SORCS2: variants seen among roughly 807,000 people sequenced by gnomAD.
The protein encoded by SORCS2 is sortilin related VPS10 domain containing receptor 2, also known as VPS10 domain-containing receptor SorCS2.
In SORCS2, 100 loss-of-function variants were observed where a neutral mutation model predicts 141.6. The observed-to-expected ratio is 0.71, with a 90% CI of 0.60 to 0.83. The LOEUF is 0.83. Among genes scored for constraint, SORCS2 ranks in the 40% least tolerant of loss-of-function variants. The probability of loss-of-function intolerance (pLI) is 0.00; values close to 1 mark genes in which losing one functional copy is unlikely to be tolerated. For missense variants in SORCS2, 1,646 were observed against 1,560.2 expected, an observed-to-expected ratio of 1.05 and a Z score of -0.93; for synonymous variants, 789 against 676.9, an observed-to-expected ratio of 1.17 and a Z score of -2.57.
At chr4:7,668,611 C>G (rs916218632) in intron 8 of SORCS2, among the ~76,000 whole-genome samples, 2 of 152,072 alleles carry the variant, frequency 1.3e-5, no homozygotes, top group Admixed American at 1.3e-4. Flanking sequence ...GTCTAGGAGG[C>G]CTTTTAAAAC....
At chr4:7,601,353 A>G (rs1717652654) in intron 3 of SORCS2, among the ~76,000 whole-genome samples, 1 of 151,704 alleles carries the variant, frequency 6.6e-6, no homozygotes, top group Non-Finnish European at 1.5e-5. Flanking sequence ...TTATTCAAAC[A>G]GTAGTAGTGC....
intron 1 of SORCS2, among the ~76,000 whole-genome samples, chr4:7,266,956 C>T (rs1714776436): frequency 6.6e-6 from 1 of 150,808 alleles, no homozygotes; most frequent in Non-Finnish European, 1.5e-5. Context: ...TTTGGGCAGT[C>T]TGGAAGAATC....
chr4:7,301,927 C>G (rs1358217002), intron 1 of SORCS2, among the ~76,000 whole-genome samples: 1 of 152,216 alleles, frequency 6.6e-6, no homozygotes, highest in Non-Finnish European at 1.5e-5. Flanking sequence ...GCCTCTCCTT[C>G]CCTTCCAGCT....
At chr4:7,531,236 G>C (rs186822277) in intron 2 of SORCS2, among the ~76,000 whole-genome samples, 1 of 152,216 alleles carries the variant, frequency 6.6e-6, no homozygotes, top group Non-Finnish European at 1.5e-5. Flanking sequence ...CTCATAGGAG[G>C]CATGGGGGAG....
chr4:7,535,537 A>C (rs1484678244), intron 3 of SORCS2, among the ~76,000 whole-genome samples: 1 of 152,214 alleles, frequency 6.6e-6, no homozygotes, highest in Non-Finnish European at 1.5e-5. Flanking sequence ...TAGTAGCAGC[A>C]TCTATACTGT....
At chr4:7,595,962 T>G (rs1234254480) in intron 3 of SORCS2, among the ~76,000 whole-genome samples, 1 of 152,142 alleles carries the variant, frequency 6.6e-6, no homozygotes, top group African/African-American at 2.4e-5. Flanking sequence ...GCCTGACAGC[T>G]GCTCTTTCCC....
chr4:7,650,923 C>T (rs1721405978), intron 4 of SORCS2, among the ~76,000 whole-genome samples: 2 of 152,098 alleles, frequency 1.3e-5, no homozygotes, highest in Admixed American at 1.3e-4. Context: ...TGCAAAGGAT[C>T]CCCTAAACAC....
intron 3 of SORCS2, among the ~76,000 whole-genome samples, chr4:7,578,141 A>G (rs4365724): frequency 0.96 from 146,835 of 152,270 alleles, 70,961 homozygotes; most frequent in Non-Finnish European, 1. Context: ...TCTCAGAACC[A>G]GATTGGTTAC....
rs745306271 is a variant in SORCS2, at chr4:7,728,476, G to C, written c.2982+14G>C. ...CTGCTCTCCAAGGTGTCCACCCAGA[G>C]CCTAGAGCCTCCCCAGCCCCACGGT... On this transcript the variant is annotated intron_variant, in intron 22 of 26. Coordinates refer to ENST00000507866, the MANE Select transcript of SORCS2 (RefSeq NM_020777.3). 1.9e-6 allele frequency: 3 copies of C among 1,588,790 alleles called. No homozygotes were observed. Among genetic ancestry groups the C allele is most frequent in the Non-Finnish European group, 1.7e-6 (2 of 1,163,932 alleles).
chr4:7,374,173 T>TCC (rs1722475778), intron 1 of SORCS2, among the ~76,000 whole-genome samples: 1 of 144,360 alleles, frequency 6.9e-6, no homozygotes, highest in African/African-American at 2.6e-5. Context: ...CTTTCTTTCT[T>TCC]TCTTTCTTTC....
chr4:7,319,872 C>T (rs1206764584), intron 1 of SORCS2, among the ~76,000 whole-genome samples: 1 of 152,252 alleles, frequency 6.6e-6, no homozygotes, highest in Non-Finnish European at 1.5e-5. Flanking sequence ...CTGTACTCTG[C>T]TTTTCTGCAG....
chr4:7,362,808 TTAC>T (rs1721659823), intron 1 of SORCS2, among the ~76,000 whole-genome samples: 1 of 151,512 alleles, frequency 6.6e-6, no homozygotes, highest in Non-Finnish European at 1.5e-5. Context: ...ATCACCATCA[TTAC>T]CACCAACACC....
chr4:7,282,755 C>G (rs999135102), intron 1 of SORCS2, among the ~76,000 whole-genome samples: 1 of 152,128 alleles, frequency 6.6e-6, no homozygotes, highest in African/African-American at 2.4e-5. Flanking sequence ...ATAGTCTCAC[C>G]GCGAGGCTCA....
At chr4:7,211,940 A>G (rs1007478053) in intron 1 of SORCS2, among the ~76,000 whole-genome samples, 2 of 152,140 alleles carry the variant, frequency 1.3e-5, no homozygotes, top group African/African-American at 4.8e-5. Context: ...GGAGATCGTG[A>G]ATGTTATCTG....
At chr4:7,395,954 CT>C (rs2109112636) in intron 1 of SORCS2, among the ~76,000 whole-genome samples, 1 of 152,352 alleles carries the variant, frequency 6.6e-6, no homozygotes, top group Non-Finnish European at 1.5e-5. Context: ...GACCACTGCC[CT>C]GGCACTCCCT....
intron 2 of SORCS2, among the ~76,000 whole-genome samples, chr4:7,516,468 C>T (rs1348638655): frequency 6.6e-6 from 1 of 152,100 alleles, no homozygotes; most frequent in African/African-American, 2.4e-5. Context: ...GGAGGAGAGG[C>T]ACCTAGAGTG....
intron 3 of SORCS2, among the ~76,000 whole-genome samples, chr4:7,541,863 C>T (rs774547376): frequency 1.3e-5 from 2 of 152,198 alleles, no homozygotes; most frequent in Non-Finnish European, 2.9e-5. Context: ...ACAGGAAAGC[C>T]GGAGTCAACT....
chr4:7,270,876 G>A (rs572133000), intron 1 of SORCS2, among the ~76,000 whole-genome samples: 12 of 152,338 alleles, frequency 7.9e-5, no homozygotes, highest in Admixed American at 2.0e-4. Context: ...CAGCCCCACC[G>A]AAATGAAACA....
chr4:7,550,216 G>C (rs1367712963), intron 3 of SORCS2, among the ~76,000 whole-genome samples: 1 of 151,700 alleles, frequency 6.6e-6, no homozygotes, highest in Admixed American at 6.6e-5. Context: ...TTGCCTCCCT[G>C]CCTGTGAACC....
Sources: allele counts gnomAD v4.1 joint callset (sites outside exome capture counted in the v4.1 genomes callset), GRCh38; gene constraint gnomAD v4.1.1; transcripts MANE v1.5; gene names NCBI Gene and HGNC (gene_info 2026-07-23, HGNC 2026-07-21).